Variants in PTPRD observed in about 807,000 individuals in gnomAD.
PTPRD encodes receptor-type tyrosine-protein phosphatase delta.
PTPRD carries 34 observed loss-of-function variants against 214.5 expected under a neutral mutation model. The ratio of observed to expected loss-of-function variants is 0.16; its 90% confidence interval spans 0.12 to 0.21. The LOEUF (loss-of-function observed/expected upper bound fraction) is 0.21. PTPRD is among the 10% of genes least tolerant of loss of function. The pLI, the probability that PTPRD is intolerant of heterozygous loss-of-function variation, is 1.00. For missense variants in PTPRD, 2,545 were observed against 2,398.7 expected, an observed-to-expected ratio of 1.06 and a Z score of -1.27; for synonymous variants, 1,128 against 845.7, an observed-to-expected ratio of 1.33 and a Z score of -5.79.
chr9:9,033,524 T>A (rs2099612298), intron 10 of PTPRD, among the ~76,000 whole-genome samples: 1 of 152,146 alleles, frequency 6.6e-6, no homozygotes, highest in Non-Finnish European at 1.5e-5. Flanking sequence ...CACATGAGAT[T>A]CTATAAAAGG....
intron 5 of PTPRD, among the ~76,000 whole-genome samples, chr9:9,850,524 A>G (rs2060354869): frequency 6.6e-6 from 1 of 152,130 alleles, no homozygotes; most frequent in African/African-American, 2.4e-5. Flanking sequence ...ATGGAAGGGG[A>G]AGAGAATATT....
intron 7 of PTPRD, among the ~76,000 whole-genome samples, chr9:9,578,873 A>G (rs2089890378): frequency 6.6e-6 from 1 of 152,150 alleles, no homozygotes; most frequent in South Asian, 2.1e-4. Context: ...CCAGGATAGG[A>G]TAATATTAGT....
At chr9:10,088,629 G>A (rs760508941) in intron 3 of PTPRD, among the ~76,000 whole-genome samples, 2 of 151,764 alleles carry the variant, frequency 1.3e-5, no homozygotes, top group Non-Finnish European at 2.9e-5. Flanking sequence ...TGTCTGCAAT[G>A]TGGGGGCAGT....
At chr9:10,104,718 T>C (rs1336680960) in intron 3 of PTPRD, among the ~76,000 whole-genome samples, 1 of 151,888 alleles carries the variant, frequency 6.6e-6, no homozygotes, top group African/African-American at 2.4e-5. Flanking sequence ...AAAATCATTA[T>C]TTTAAACTCA....
In PTPRD at chr9:8,356,111, AT is replaced by A. The variant is rs546882167; in HGVS notation, c.4662-14134del. Among the ~76,000 whole-genome samples the A allele has an allele frequency of 2.4e-4, 37 of 152,132 alleles. No individual in the cohort carries two copies. The East Asian group carries it at 6.8e-3, about 28-fold the overall frequency. On this transcript the variant is annotated intron_variant, in intron 39 of 45. Coordinates refer to ENST00000381196, the MANE Select transcript of PTPRD (RefSeq NM_002839.4). ...TTCAAAAACGCAAAGTTTGCTTTTC[AT>A]TTTTTTTAAGACCAAATACTTTACT...
chr9:9,963,567 C>G (rs1351711322), intron 4 of PTPRD, among the ~76,000 whole-genome samples: 1 of 152,052 alleles, frequency 6.6e-6, no homozygotes. Flanking sequence ...TCACTTTACA[C>G]AAGTATAGAG....
At chr9:9,137,015 TTAACTA>T (rs1210346510) in intron 10 of PTPRD, among the ~76,000 whole-genome samples, 5 of 152,176 alleles carry the variant, frequency 3.3e-5, no homozygotes, top group Admixed American at 6.5e-5. Context: ...TATTTGGTCT[TTAACTA>T]TAAAGCATTA....
At chr9:8,426,197 T>C (rs374835995) in intron 35 of PTPRD, among the ~76,000 whole-genome samples, 5 of 152,306 alleles carry the variant, frequency 3.3e-5, no homozygotes, top group African/African-American at 4.8e-5. Flanking sequence ...CATATATTCA[T>C]CTTCATAACA....
At chr9:9,849,103 G>A (rs1233692543) in intron 5 of PTPRD, among the ~76,000 whole-genome samples, 1 of 151,766 alleles carries the variant, frequency 6.6e-6, no homozygotes, top group Non-Finnish European at 1.5e-5. Context: ...CATAGACACA[G>A]GGTGGTCACT....
At chr9:10,422,830 A>C (rs1038635744) in intron 2 of PTPRD, among the ~76,000 whole-genome samples, 1 of 152,124 alleles carries the variant, frequency 6.6e-6, no homozygotes, top group African/African-American at 2.4e-5. Context: ...GATGTGGAGA[A>C]ATAGGAAAGC....
chr9:8,846,206 C>G (rs899022762), intron 11 of PTPRD, among the ~76,000 whole-genome samples: 1 of 152,068 alleles, frequency 6.6e-6, no homozygotes, highest in Non-Finnish European at 1.5e-5. Context: ...TACAGAGGAG[C>G]AATAGACAAT....
At chr9:10,101,256 A>T (rs1015822010) in intron 3 of PTPRD, among the ~76,000 whole-genome samples, 2 of 151,666 alleles carry the variant, frequency 1.3e-5, no homozygotes, top group African/African-American at 4.8e-5. Flanking sequence ...ACTCGCTGAA[A>T]GTAAGGAATG....
Position 8,525,063 on chromosome 9 carries a change from A to G in PTPRD, c.569-28T>C, listed in dbSNP as rs369621191. 25 of 1,559,368 alleles carry G rather than the reference A, an allele frequency of 1.6e-5. 1 individual carries two copies. The highest frequency in any genetic ancestry group is 3.3e-4 in the Middle Eastern group (2 of 5,974). On this transcript the variant is annotated intron_variant, in intron 17 of 45. Transcript: ENST00000381196. ...GTATGGATATAAAATATATTGCCAA[A>G]GAGATGATCAGAGAAGGCTTTCTCA...
At chr9:10,403,761 A>G (rs1407985171) in intron 2 of PTPRD, among the ~76,000 whole-genome samples, 2 of 151,750 alleles carry the variant, frequency 1.3e-5, no homozygotes, top group Non-Finnish European at 2.9e-5. Flanking sequence ...GCTACACACT[A>G]TATGACTGTA....
intron 3 of PTPRD, among the ~76,000 whole-genome samples, chr9:10,151,814 C>G (rs2099063079): frequency 6.6e-6 from 1 of 152,144 alleles, no homozygotes; most frequent in African/African-American, 2.4e-5. Flanking sequence ...TGTGGTTTTA[C>G]TTCTTCCAGA....
chr9:10,195,222 G>T (rs926095101), intron 3 of PTPRD, among the ~76,000 whole-genome samples: 3 of 147,106 alleles, frequency 2.0e-5, no homozygotes, highest in Admixed American at 7.0e-5. Flanking sequence ...AGGGAATATT[G>T]TACAATGCCA....
At chr9:10,072,967 T>C (rs1480192839) in intron 3 of PTPRD, among the ~76,000 whole-genome samples, 1 of 152,118 alleles carries the variant, frequency 6.6e-6, no homozygotes, top group South Asian at 2.1e-4. Flanking sequence ...CAAATTGTGG[T>C]ATATCCATAG....
chr9:9,188,961 A>T (rs960954807), intron 9 of PTPRD, among the ~76,000 whole-genome samples: 1 of 152,072 alleles, frequency 6.6e-6, no homozygotes, highest in African/African-American at 2.4e-5. Flanking sequence ...GGTGAATTAA[A>T]GATGACAAGG....
intron 8 of PTPRD, among the ~76,000 whole-genome samples, chr9:9,526,171 T>C (rs1172304285): frequency 6.6e-6 from 1 of 152,212 alleles, no homozygotes; most frequent in African/African-American, 2.4e-5. Flanking sequence ...GAGTGTGTCA[T>C]AAACTATTTT....
Sources: allele counts gnomAD v4.1 joint callset (sites outside exome capture counted in the v4.1 genomes callset), GRCh38; gene constraint gnomAD v4.1.1; transcripts MANE v1.5; gene names NCBI Gene and HGNC (gene_info 2026-07-23, HGNC 2026-07-21).